WASF1: variants seen among roughly 807,000 people sequenced by gnomAD.
WASF1 encodes the protein WASP family member 1, also known as actin-binding protein WASF1.
A neutral mutation model predicts 50.5 loss-of-function variants in WASF1; 7 were observed. The ratio of observed to expected loss-of-function variants is 0.14; its 90% CI spans 0.08 to 0.26. WASF1 has a LOEUF of 0.26. Among genes scored for constraint, WASF1 ranks in the 10% least tolerant of loss-of-function variants. The pLI is 1.00. For synonymous variants in WASF1, 205 were observed against 244.0 expected, an observed-to-expected ratio of 0.84 and a Z score of 1.49; for missense variants, 470 against 694.7, an observed-to-expected ratio of 0.68 and a Z score of 3.64.
At chr6:110,167,508 T>C (rs1175684869) in intron 2 of WASF1, among the ~76,000 whole-genome samples, 1 of 152,000 alleles carries the variant, frequency 6.6e-6, no homozygotes, top group East Asian at 1.9e-4. Context: ...CTCAGTCTCC[T>C]TTGCTAGTGC....
intron 2 of WASF1, among the ~76,000 whole-genome samples, chr6:110,171,020 TTAAC>T (rs1776691848): frequency 6.6e-6 from 1 of 152,166 alleles, no homozygotes; most frequent in Admixed American, 6.6e-5. Flanking sequence ...CTATCGGTAA[TTAAC>T]TGACAGGCAA....
intron 3 of WASF1, among the ~76,000 whole-genome samples, chr6:110,140,736 TC>T (rs1047068508): frequency 1.3e-5 from 2 of 152,164 alleles, no homozygotes; most frequent in African/African-American, 2.4e-5. Flanking sequence ...TGAGTGTGTT[TC>T]TTCAACTCAC....
chr6:110,105,462 G>C lies in WASF1; in HGVS notation c.658C>G (p.Leu220Val), dbSNP rs1040080112. 4 of 1,613,780 alleles carry C rather than the reference G, an allele frequency of 2.5e-6. No individual in the cohort carries two copies. In the African/African-American group the frequency reaches 5.3e-5, roughly 22 times the overall value. Residue 220 changes from leucine (L) to valine (V), a missense_variant, in exon 8 of 11, where the codon CTC becomes GTC. Leu to Val is a conservative substitution (Grantham distance 32, BLOSUM62 1). Transcript: ENST00000392589. ...GPELAEDDAN[L>V]LHKHIEVANG... is the part of the protein sequence containing the mutation. ...GCAACTTCAATATGCTTATGTAAGA[G>C]ATTAGCATCATCTTCAGCCAGCTCT...
At chr6:110,148,401 G>T (rs970527011) in intron 3 of WASF1, among the ~76,000 whole-genome samples, 1 of 152,004 alleles carries the variant, frequency 6.6e-6, no homozygotes, top group Admixed American at 6.6e-5. Context: ...AAAAGTAGGG[G>T]ACACTATAAA....
chr6:110,103,193 TTCAA>T (rs1773168375), intron 9 of WASF1, among the ~76,000 whole-genome samples, 181 bp downstream of exon 9: 1 of 152,214 alleles, frequency 6.6e-6, no homozygotes, highest in Non-Finnish European at 1.5e-5. Context: ...TAGAGTTTAT[TTCAA>T]CACAGACACA....
intron 3 of WASF1, among the ~76,000 whole-genome samples, chr6:110,132,963 T>TACACACACACACACACACAC (rs142466639): frequency 3.3e-4 from 43 of 130,142 alleles, no homozygotes; most frequent in African/African-American, 1.2e-3. Flanking sequence ...CCATGGTGTA[T>TACACACACACACACACACAC]ACACACACAC....
Position 110,101,574 on chromosome 6 carries a change from G to T in WASF1, c.1522+14C>A. The T allele has an allele frequency of 6.3e-7, 1 of 1,595,712 alleles. No individual in the cohort carries two copies. The highest frequency in any genetic ancestry group is 1.1e-5 in the South Asian group (1 of 88,472). ...CTACTATAGCAATGCTTTTCATGGA[G>T]CTGAGAAAATTACCTTTTCGTATTG... On this transcript the variant is annotated intron_variant, in intron 10 of 10. Coordinates refer to ENST00000392589, the MANE Select transcript of WASF1 (RefSeq NM_003931.3).
intron 3 of WASF1, among the ~76,000 whole-genome samples, chr6:110,153,424 A>G (rs1177061789): frequency 6.6e-6 from 1 of 152,164 alleles, no homozygotes. Context: ...TGAGTCCAAA[A>G]AGAAAGTTTA....
chr6:110,139,453 G>A (rs1018685841), intron 3 of WASF1, among the ~76,000 whole-genome samples: 5 of 152,214 alleles, frequency 3.3e-5, no homozygotes, highest in South Asian at 2.1e-4. Context: ...GGCTGCTGCC[G>A]CCATCATAAG....
intron 4 of WASF1, among the ~76,000 whole-genome samples, chr6:110,120,040 T>G (rs1187260323): frequency 6.6e-6 from 1 of 152,164 alleles, no homozygotes; most frequent in East Asian, 1.9e-4. Flanking sequence ...GGAACATATC[T>G]CAAAATAATA....
At chr6:110,167,268 T>C (rs1291775141) in intron 2 of WASF1, among the ~76,000 whole-genome samples, 2 of 151,986 alleles carry the variant, frequency 1.3e-5, no homozygotes, top group African/African-American at 4.8e-5. Context: ...CTATACTTTT[T>C]ATCATTATTT....
intron 3 of WASF1, among the ~76,000 whole-genome samples, chr6:110,130,199 A>G (rs764609502): frequency 7.2e-5 from 11 of 152,196 alleles, no homozygotes; most frequent in Non-Finnish European, 1.5e-4. Context: ...AAAACTGTGC[A>G]ACATGAAATG....
intron 2 of WASF1, among the ~76,000 whole-genome samples, chr6:110,162,794 A>G (rs1776312898): frequency 6.6e-6 from 1 of 151,806 alleles, no homozygotes; most frequent in East Asian, 1.9e-4. Context: ...AAAAACCTAC[A>G]GCTAACATCA....
rs1380441353 is a variant in WASF1 at position 110,101,901 on chromosome 6, A to G, written c.1209T>C (p.Ala403=). The change falls in exon 10 of 11, where the codon GCT becomes GCC. Residue 403 remains alanine (A), a synonymous_variant. Coordinates refer to ENST00000392589, the MANE Select transcript of WASF1 (RefSeq NM_003931.3). ...CTGGTACAGTCTCACATACTGGGGC[A>G]GCTCTAGCTACTGGTGGAGAGGGCT... is the stretch of plus-strand genomic sequence containing the variant. ...LVQPSPPVAR[A]APVCETVPVH... is the part of the protein sequence containing the mutation. 1 of 1,613,142 alleles carries G rather than the reference A, an allele frequency of 6.2e-7. No homozygotes were observed. Among genetic ancestry groups the G allele is most frequent in the Non-Finnish European group, 8.5e-7 (1 of 1,179,530 alleles).
intron 4 of WASF1, among the ~76,000 whole-genome samples, chr6:110,125,040 A>C (rs1184962152): frequency 6.6e-6 from 1 of 152,236 alleles, no homozygotes; most frequent in African/African-American, 2.4e-5. Flanking sequence ...TAATAATAGC[A>C]CCAAAGTGAA....
chr6:110,177,513 C>T (rs971363147), intron 2 of WASF1, among the ~76,000 whole-genome samples: 6 of 152,024 alleles, frequency 3.9e-5, no homozygotes, highest in Non-Finnish European at 7.4e-5. Context: ...AATCATTCAT[C>T]AGCTAAAAGA....
intron 8 of WASF1, among the ~76,000 whole-genome samples, chr6:110,104,454 T>C (rs948428145): frequency 6.6e-6 from 1 of 152,170 alleles, no homozygotes; most frequent in African/African-American, 2.4e-5. Context: ...TTTATATGTA[T>C]ATTACTTAAA....
At chr6:110,111,863 C>A (rs538316311) in intron 5 of WASF1, among the ~76,000 whole-genome samples, 44 of 151,988 alleles carry the variant, frequency 2.9e-4, no homozygotes, top group Non-Finnish European at 1.6e-4. Context: ...GTGACGGTTG[C>A]ATAACTTGAA....
At chr6:110,172,902 T>C (rs1203086383) in intron 2 of WASF1, among the ~76,000 whole-genome samples, 1 of 152,150 alleles carries the variant, frequency 6.6e-6, no homozygotes, top group Non-Finnish European at 1.5e-5. Flanking sequence ...ACTGTACGTG[T>C]ACCCTCTAAA....
Sources: allele counts gnomAD v4.1 joint callset (sites outside exome capture counted in the v4.1 genomes callset), GRCh38; gene constraint gnomAD v4.1.1; transcripts MANE v1.5; gene names NCBI Gene and HGNC (gene_info 2026-07-23, HGNC 2026-07-21).